Variants in SPAG16 observed in about 807,000 individuals in gnomAD.
SPAG16 encodes sperm associated antigen 16.
SPAG16 carries 86 observed loss-of-function variants against 80.4 expected under a neutral mutation model. The observed-to-expected ratio is 1.07, with a 90% CI of 0.90 to 1.28. The LOEUF (loss-of-function observed/expected upper bound fraction) is 1.28, where lower values mean the gene tolerates loss of function less well. SPAG16 is among the 50% of genes most tolerant of loss of function. The probability of loss-of-function intolerance (pLI) is 0.00; values close to 1 mark genes in which losing one functional copy is unlikely to be tolerated. For synonymous variants in SPAG16, 294 were observed against 265.9 expected (o/e 1.11, Z -1.03); for missense variants, 870 against 765.3 (o/e 1.14, Z -1.61).
intron 15 of SPAG16, among the ~76,000 whole-genome samples, chr2:214,277,724 C>T (rs1381163475): frequency 6.6e-6 from 1 of 152,184 alleles, no homozygotes; most frequent in African/African-American, 2.4e-5. Flanking sequence ...TCAATCAGCC[C>T]CTACTGGGAG....
At chr2:213,468,532 TAG>T (rs1419582280) in intron 9 of SPAG16, among the ~76,000 whole-genome samples, 4 of 135,826 alleles carry the variant, frequency 2.9e-5, no homozygotes, top group South Asian at 2.2e-4. Flanking sequence ...TATTTATATA[TAG>T]ATATATATAT....
intron 13 of SPAG16, among the ~76,000 whole-genome samples, chr2:214,099,625 A>G (rs80115255): frequency 0.087 from 13,226 of 152,118 alleles, 748 homozygotes; most frequent in East Asian, 0.28. Flanking sequence ...TATATGTATG[A>G]ACTAGTCCAT....
intron 13 of SPAG16, among the ~76,000 whole-genome samples, chr2:214,040,153 G>T (rs2048930472): frequency 6.6e-6 from 1 of 152,146 alleles, no homozygotes; most frequent in South Asian, 2.1e-4. Flanking sequence ...CATAGCCTGG[G>T]ACCTCCAGAA....
At chr2:213,586,644 C>T (rs907343043) in intron 10 of SPAG16, among the ~76,000 whole-genome samples, 3 of 152,202 alleles carry the variant, frequency 2.0e-5, no homozygotes, top group Non-Finnish European at 4.4e-5. Context: ...AGTTCAATGT[C>T]TCATCTAAAC....
intron 9 of SPAG16, among the ~76,000 whole-genome samples, chr2:213,383,616 C>T (rs1305879764): frequency 2.6e-5 from 4 of 152,106 alleles, no homozygotes; most frequent in Non-Finnish European, 5.9e-5. Context: ...TTTGTAGGAC[C>T]TTATTCTCCT....
At chr2:213,292,663 C>CAAAAAAAAAAAA (rs1248465249) in intron 1 of SPAG16, among the ~76,000 whole-genome samples, 2 of 76,378 alleles carry the variant, frequency 2.6e-5, no homozygotes, top group African/African-American at 1.4e-4. Flanking sequence ...GACTCCGTCT[C>CAAAAAAAAAAAA]AAAAAAAAAA....
At chr2:214,012,537 C>G (rs2047364892) in intron 12 of SPAG16, among the ~76,000 whole-genome samples, 1 of 151,626 alleles carries the variant, frequency 6.6e-6, no homozygotes, top group African/African-American at 2.4e-5. Context: ...TTCAGGTGGT[C>G]TCCTGCCTCG....
At chr2:214,114,035 G>A (rs1412669365) in intron 14 of SPAG16, among the ~76,000 whole-genome samples, 2 of 151,318 alleles carry the variant, frequency 1.3e-5, no homozygotes, top group African/African-American at 4.9e-5. Flanking sequence ...TCTTGATGTT[G>A]ATGCTATTCC....
chr2:214,193,431 G>GT (rs777734652), intron 15 of SPAG16, among the ~76,000 whole-genome samples: 27 of 86,076 alleles, frequency 3.1e-4, no homozygotes, highest in Non-Finnish European at 6.8e-4. Flanking sequence ...GTGTATGAGA[G>GT]AGAGAGAGAG....
chr2:213,595,903 A>AGC (rs2124946648), intron 10 of SPAG16, among the ~76,000 whole-genome samples: 1 of 152,220 alleles, frequency 6.6e-6, no homozygotes, highest in Admixed American at 6.5e-5. Context: ...AGTATATTAA[A>AGC]ATGTACTTTG....
intron 10 of SPAG16, among the ~76,000 whole-genome samples, chr2:213,650,338 T>C (rs2062975763): frequency 6.6e-6 from 1 of 152,202 alleles, no homozygotes; most frequent in Non-Finnish European, 1.5e-5. Flanking sequence ...CTGCCTCATA[T>C]GAAAATATGA....
Position 213,862,820 on chromosome 2 carries a change from G to C in SPAG16, c.1214+192G>C, listed in dbSNP as rs1575392516. ...TGACTTCTGATTGTTTTTGATATTT[G>C]GTACATGTAAAACTTAGTCCACATG... On this transcript the variant is annotated intron_variant, in intron 11 of 15. Coordinates refer to ENST00000331683, the MANE Select transcript of SPAG16 (RefSeq NM_024532.5). 3.3e-5 allele frequency among the ~76,000 whole-genome samples: 5 copies of C among 152,070 alleles called. No individual in the cohort carries two copies. The South Asian group carries it at 1.0e-3, about 32-fold the overall frequency.
chr2:213,728,428 T>C (rs1258663652), intron 10 of SPAG16, among the ~76,000 whole-genome samples: 1 of 152,154 alleles, frequency 6.6e-6, no homozygotes, highest in Non-Finnish European at 1.5e-5. Context: ...AATCATATGC[T>C]GTACTTAGCA....
Position 213,431,724 on chromosome 2 carries a change from T to G in SPAG16, c.942+56605T>G, listed in dbSNP as rs1368026574. ...GAAAAACAACAAAGAAACACTGGAC[T>G]TCAATGAAACTTTAGACCAAATGGA... On this transcript the variant is annotated intron_variant, in intron 9 of 15. Transcript: ENST00000331683. Among the ~76,000 whole-genome samples the G allele has an allele frequency of 2.6e-5, 4 of 152,084 alleles. No homozygotes were observed. The South Asian group carries it at 8.3e-4, about 32-fold the overall frequency.
intron 10 of SPAG16, among the ~76,000 whole-genome samples, chr2:213,857,407 T>C (rs2075224272): frequency 6.6e-6 from 1 of 152,204 alleles, no homozygotes; most frequent in African/African-American, 2.4e-5. Flanking sequence ...TCATTGACCA[T>C]GTTGAAAATC....
intron 10 of SPAG16, among the ~76,000 whole-genome samples, chr2:213,813,679 A>C (rs752748228): frequency 6.6e-6 from 1 of 152,234 alleles, no homozygotes; most frequent in Non-Finnish European, 1.5e-5. Flanking sequence ...ATACAGAAGC[A>C]GAGGCGGTCT....
chr2:213,901,123 A>G (rs2077204133), intron 11 of SPAG16, among the ~76,000 whole-genome samples: 1 of 152,220 alleles, frequency 6.6e-6, no homozygotes, highest in Non-Finnish European at 1.5e-5. Context: ...TAAAGCTAGG[A>G]GTCAGATTAA....
At position 213,292,642 on chromosome 2, in the gene SPAG16, C is replaced by T. The variant is rs562978867; in HGVS notation, c.137-3422C>T. On this transcript the variant is annotated intron_variant, in intron 1 of 15. Transcript: ENST00000331683. The stretch of plus-strand genomic sequence containing the variant: ...TCCCGCCACTGCACTCCAGCCTGGG[C>T]GACAGAGCGAGACTCCGTCTCAAAA... 1.8e-3 allele frequency among the ~76,000 whole-genome samples: 233 copies of T among 130,782 alleles called. 1 individual carries two copies. Among genetic ancestry groups the T allele is most frequent in the African/African-American group, 5.6e-3 (183 of 32,898 alleles). 85.8% of individuals were successfully genotyped at this position (130,782 alleles called of 152,430 possible).
intron 10 of SPAG16, among the ~76,000 whole-genome samples, chr2:213,672,498 G>A (rs991742993): frequency 4.0e-5 from 6 of 151,400 alleles, no homozygotes; most frequent in South Asian, 2.1e-4. Flanking sequence ...TTTTTTGTGC[G>A]TCACTGATTA....
Sources: gnomAD v4.1 joint callset for allele counts (sites outside exome capture counted in the v4.1 genomes callset) on GRCh38, gnomAD v4.1.1 for gene constraint, MANE v1.5 for transcripts, NCBI Gene and HGNC (gene_info 2026-07-23, HGNC 2026-07-21) for gene names.